Variants in MED25 observed in about 807,000 individuals in gnomAD.
MED25 encodes the protein mediator of RNA polymerase II transcription subunit 25.
In MED25, 62 loss-of-function variants were observed where a neutral mutation model predicts 89.4. The observed-to-expected ratio is 0.69, with a 90% CI of 0.57 to 0.86. MED25 has a LOEUF of 0.86. MED25 is among the 40% of genes least tolerant of loss of function. MED25 has a pLI of 0.00. For missense variants in MED25, 905 were observed against 1,005.2 expected, an observed-to-expected ratio of 0.90 and a Z score of 1.35; for synonymous variants, 449 against 427.9, an observed-to-expected ratio of 1.05 and a Z score of -0.61.
At position 49,832,088 on chromosome 19, in the gene MED25, C is replaced by T. The variant is rs751247324; in HGVS notation, c.1317-12C>T. 5 of 1,613,654 alleles carry T rather than the reference C, an allele frequency of 3.1e-6. No homozygotes were observed. The highest frequency in any genetic ancestry group is 3.3e-5 in the Admixed American group (2 of 60,006). ...GGCCCCCTCCTCACACCTCTCCTGG[C>T]ATCGCCCCCAGGAAGACGGAGCAGT... On this transcript the variant is annotated splice_polypyrimidine_tract_variant and intron_variant, in intron 11 of 17. Coordinates refer to ENST00000312865, the MANE Select transcript of MED25 (RefSeq NM_030973.4).
chr19:49,836,259 C>G lies in MED25; in HGVS notation c.1999C>G (p.Leu667Val). ...TGGGGTGCCCCCACCCCAGGCCTCCCTCCACCACCTCCAGCCACCAGGGGC... is the reference window on the plus strand; with the variant it reads ...TGGGGTGCCCCCACCCCAGGCCTCCGTCCACCACCTCCAGCCACCAGGGGC... ...QTGVPPPQAS[L>V]HHLQPPGAPA... Residue 667 changes from leucine to valine, a missense_variant, in exon 17 of 18, where the codon CTC becomes GTC. Leu to Val is a conservative substitution (Grantham distance 32). Around this residue, in one of 3 missense-constraint regions of MED25, gnomAD observed 271 missense variants for 258.1 expected, o/e 1.05. Transcript: ENST00000312865. This position sits in a 1 kb window ranked among gnomAD's most constrained non-coding sequence, Gnocchi z 5.1. 1 of 1,612,494 alleles carries G rather than the reference C, an allele frequency of 6.2e-7. No individual in the cohort carries two copies. The highest frequency in any genetic ancestry group is 8.5e-7 in the Non-Finnish European group (1 of 1,179,792).
chr19:49,836,755 C>A lies in MED25; in HGVS notation c.2147-92C>A. The A allele has an allele frequency of 1.0e-6, 1 of 963,878 alleles. No individual in the cohort carries two copies. Among genetic ancestry groups the A allele is most frequent in the South Asian group, 1.4e-5 (1 of 72,738 alleles). The allele number at this position is 963,878 out of a possible 1,614,324, so 59.7% of individuals were successfully genotyped here. A position where few individuals can be genotyped will look rare whatever the true frequency, so the allele number is the denominator to read the frequency against. ...GCCAGAAGGTGCTTCTGTTGGGTCC[C>A]CCAAGGGCTGCCTAGAAAACTTAGT... On this transcript the variant is annotated intron_variant, in intron 17 of 17. Transcript: ENST00000312865. This position sits in a 1 kb window ranked among gnomAD's most constrained non-coding sequence, Gnocchi z 5.1.
Position 49,836,692 on chromosome 19 carries a change from A to G in MED25, c.2147-155A>G, listed in dbSNP as rs1191424408. 1.3e-6 allele frequency: 1 copy of G among 747,828 alleles called. No individual in the cohort carries two copies. The highest frequency in any genetic ancestry group is 2.7e-5 in the East Asian group (1 of 37,394). 46.3% of individuals were successfully genotyped at this position (747,828 alleles called of 1,614,324 possible). On this transcript the variant is annotated intron_variant, in intron 17 of 17. Coordinates refer to ENST00000312865, the MANE Select transcript of MED25 (RefSeq NM_030973.4). This position sits in a 1 kb window ranked among gnomAD's most constrained non-coding sequence, Gnocchi z 5.1. ...AAGTAGTTTTGGAGAAGGGCCCCCA[A>G]AGGCTCATGGGAAACAGCATATTTG... is the stretch of plus-strand genomic sequence containing the variant.
chr19:49,833,661 C>T (rs966404417), intron 13 of MED25: 1 of 152,232 alleles, frequency 6.6e-6, no homozygotes, highest in African/African-American at 2.4e-5. Context: ...CTGTGGGTCA[C>T]CTGGGCTCAG....
In MED25 at chr19:49,835,977, C is replaced by G; in HGVS notation, c.1965+32C>G. The G allele has an allele frequency of 1.9e-6, 3 of 1,610,556 alleles. No homozygotes were observed. Among genetic ancestry groups the G allele is most frequent in the Non-Finnish European group, 2.5e-6 (3 of 1,179,174 alleles). The stretch of plus-strand genomic sequence containing the variant: ...TGTTGGGGTGGGGTAGCGAGAGTTC[C>G]AGATCCTGGCCCTGGTGGTTCTGGT... On this transcript the variant is annotated intron_variant, in intron 16 of 17. Transcript: ENST00000312865. The surrounding 1 kb of genome is among the most constrained non-coding windows in gnomAD (Gnocchi z 6.2).
chr19:49,818,374 C>T lies in MED25; in HGVS notation c.33C>T (p.Ala11=), dbSNP rs771154703. MVPGSEGPAR[A]GSVVADVVFV... ...CCGGGTCCGAGGGCCCGGCCCGCGC[C>T]GGGAGCGTGGTGGCCGACGTGGTGT... Residue 11 remains alanine (A), a synonymous_variant, in exon 1 of 18, where the codon GCC becomes GCT. Coordinates refer to ENST00000312865, the MANE Select transcript of MED25 (RefSeq NM_030973.4). 2 of 1,610,534 alleles carry T rather than the reference C, an allele frequency of 1.2e-6. No individual in the cohort carries two copies. The highest frequency in any genetic ancestry group is 8.5e-7 in the Non-Finnish European group (1 of 1,178,452).
In MED25 at chr19:49,824,804, G is replaced by T. The variant is rs1035241517; in HGVS notation, c.306-3645G>T. Among the ~76,000 whole-genome samples the T allele has an allele frequency of 2.6e-5, 4 of 152,252 alleles. No individual in the cohort carries two copies. The South Asian group carries it at 6.2e-4, about 24-fold the overall frequency. ...GCCTGGGTGACAGGCCGTGTGTAGG[G>T]AGCCCTTGGTCATGGCCGGATGCTG... On this transcript the variant is annotated intron_variant, in intron 3 of 17. Coordinates refer to ENST00000312865, the MANE Select transcript of MED25 (RefSeq NM_030973.4).
At chr19:49,839,292 A>G (rs76317696), downstream of MED25, 75 of 167,764 alleles carry the variant, frequency 4.5e-4, no homozygotes, top group East Asian at 7.5e-3. Flanking sequence ...AGACAGCGTC[A>G]TGACAGGGGG....
Position 49,836,104 on chromosome 19 carries a change from C to T in MED25, c.1966-122C>T, listed in dbSNP as rs2074095925. 4 of 1,509,996 alleles carry T rather than the reference C, an allele frequency of 2.6e-6. No homozygotes were observed. Among genetic ancestry groups the T allele is most frequent in the African/African-American group, 1.4e-5 (1 of 72,350 alleles). 93.5% of individuals were successfully genotyped at this position (1,509,996 alleles called of 1,614,324 possible). A position where few individuals can be genotyped will look rare whatever the true frequency, so the allele number is the denominator to read the frequency against. ...GGCAGACCGCCTCCTCTCCGTCCAT[C>T]CCCCACCTTTGAAGAAAAACTTCCC... On this transcript the variant is annotated intron_variant, in intron 16 of 17. Coordinates refer to ENST00000312865, the MANE Select transcript of MED25 (RefSeq NM_030973.4). The surrounding 1 kb of genome is among the most constrained non-coding windows in gnomAD (Gnocchi z 5.1).
Position 49,830,393 on chromosome 19 carries a change from A to C in MED25, c.820-118A>C. The C allele has an allele frequency of 8.3e-7, 1 of 1,201,868 alleles. No individual in the cohort carries two copies. The highest frequency in any genetic ancestry group is 1.3e-5 in the South Asian group (1 of 79,400). The allele number at this position is 1,201,868 out of a possible 1,614,324, so 74.5% of individuals were successfully genotyped here. ...CATGTGCTGTGTGATGGGTGTTGTGAGCTAAGCTATCCCAGCTGGTGCCTC... is the reference window on the plus strand; with the variant it reads ...CATGTGCTGTGTGATGGGTGTTGTGCGCTAAGCTATCCCAGCTGGTGCCTC... On this transcript the variant is annotated intron_variant, in intron 7 of 17. Coordinates refer to ENST00000312865, the MANE Select transcript of MED25 (RefSeq NM_030973.4). This position sits in a 1 kb window ranked among gnomAD's most constrained non-coding sequence, Gnocchi z 4.6.
chr19:49,828,675 G>C, intron 4 of MED25, 128 bp downstream of exon 4: 1 of 942,190 alleles, frequency 1.1e-6, no homozygotes, highest in Non-Finnish European at 1.7e-6. Context: ...CAAGCACGCT[G>C]AGCCAGGAGG....
At chr19:49,822,640 C>CTTTTTTTTTTT (rs536060694) in intron 3 of MED25, among the ~76,000 whole-genome samples, 1 of 68,244 alleles carries the variant, frequency 1.5e-5, no homozygotes, top group Non-Finnish European at 2.5e-5. Flanking sequence ...CTGTTACATT[C>CTTTTTTTTTTT]TTTTTTTTTT....
At chr19:49,823,399 G>C (rs1382316627) in intron 3 of MED25, among the ~76,000 whole-genome samples, 1 of 152,150 alleles carries the variant, frequency 6.6e-6, no homozygotes, top group East Asian at 1.9e-4. Flanking sequence ...ACCTCACAGC[G>C]ATGTTTGGAG....
Position 49,836,286 on chromosome 19 carries a change from C to A in MED25, c.2026C>A (p.Pro676Thr), listed in dbSNP as rs1263091655. The A allele has an allele frequency of 3.1e-6, 5 of 1,612,298 alleles. No homozygotes were observed. The highest frequency in any genetic ancestry group is 4.2e-6 in the Non-Finnish European group (5 of 1,179,686). The change falls in exon 17 of 18, where the codon CCT (proline) becomes ACT (threonine). Residue 676 changes from proline (P) to threonine (T), a missense_variant. Coordinates refer to ENST00000312865, the MANE Select transcript of MED25 (RefSeq NM_030973.4). This position sits in a 1 kb window ranked among gnomAD's most constrained non-coding sequence, Gnocchi z 5.1. ...SLHHLQPPGA[P>T]ALLPPPHQGL... Reference sequence around the variant, plus strand: ...CCACCACCTCCAGCCACCAGGGGCTCCTGCGCTGCTGCCTCCGCCGCACCA... The same window carrying A: ...CCACCACCTCCAGCCACCAGGGGCTACTGCGCTGCTGCCTCCGCCGCACCA...
Position 49,836,899 on chromosome 19 carries a change from G to T in MED25, c.2199G>T (p.Leu733=). 6.2e-7 allele frequency: 1 copy of T among 1,612,880 alleles called. No homozygotes were observed. Among genetic ancestry groups the T allele is most frequent in the Non-Finnish European group, 8.5e-7 (1 of 1,179,800 alleles). ...GGGGCCCGGTCCCCCAGCCGGGCCT[G>T]CAGCCCAGCGTCATGGAGGACGACA... ...GPRGPVPQPG[L]QPSVMEDDIL... The change falls in exon 18 of 18, where the codon CTG becomes CTT. Residue 733 remains leucine, a synonymous_variant. Coordinates refer to ENST00000312865, the MANE Select transcript of MED25 (RefSeq NM_030973.4). The surrounding 1 kb of genome is among the most constrained non-coding windows in gnomAD (Gnocchi z 5.1).
chr19:49,827,572 A>G (rs2074024065), intron 3 of MED25, among the ~76,000 whole-genome samples: 1 of 151,986 alleles, frequency 6.6e-6, no homozygotes, highest in Admixed American at 6.6e-5. Flanking sequence ...GTCCGTGTCC[A>G]CGTTTCTCCT....
At position 49,831,870 on chromosome 19, in the gene MED25, C is replaced by T; in HGVS notation, c.1231-66C>T. 1 of 1,428,764 alleles carries T rather than the reference C, an allele frequency of 7.0e-7. No homozygotes were observed. 88.5% of individuals were successfully genotyped at this position (1,428,764 alleles called of 1,614,324 possible). On this transcript the variant is annotated intron_variant, in intron 10 of 17. Transcript: ENST00000312865. The surrounding 1 kb of genome is among the most constrained non-coding windows in gnomAD (Gnocchi z 5.0). ...GAGCTTTGGGGCTACCAGGGTAGGA[C>T]ATGAGGGCTCAAGGGGACTGAGGCT...
At position 49,828,458 on chromosome 19, in the gene MED25, CG is replaced by C. The variant is rs776360611; in HGVS notation, c.320del (p.Gly107ValfsTer107). ...TWLDGIKFMG[G>X]GGESCSLIAE... ...CGCTCTGCCCCTGCAGGTTCATGGG[CG>C]GGGGTGGTGAGAGCTGCAGCCTCAT... On this transcript the variant is annotated frameshift_variant, in exon 4 of 18. Transcript: ENST00000312865. LOFTEE classifies it high-confidence loss of function. The C allele has an allele frequency of 1.9e-6, 3 of 1,613,184 alleles. No individual in the cohort carries two copies. The highest frequency in any genetic ancestry group is 1.1e-5 in the South Asian group (1 of 91,060).
intron 13 of MED25, chr19:49,833,685 T>A (rs1432085531): frequency 6.6e-6 from 1 of 152,268 alleles, no homozygotes; most frequent in African/African-American, 2.4e-5. Context: ...GCCATCTCGC[T>A]TGGCGACTCT....
Sources: gnomAD v4.1 joint callset for allele counts (sites outside exome capture counted in the v4.1 genomes callset) on GRCh38, gnomAD v4.1.1 for gene constraint, gnomAD v4.1.1 regional missense constraint, Gnocchi (gnomAD v3.1) non-coding constraint, MANE v1.5 for transcripts, NCBI Gene and HGNC (gene_info 2026-07-23, HGNC 2026-07-21) for gene names.